ZMIZ1: variants seen among roughly 807,000 people sequenced by gnomAD.
ZMIZ1 encodes the protein zinc finger MIZ-type containing 1.
ZMIZ1 carries 17 observed loss-of-function variants against 113.9 expected under a neutral mutation model. The observed-to-expected ratio is 0.15, with a 90% confidence interval of 0.10 to 0.22. The LOEUF (loss-of-function observed/expected upper bound fraction) is 0.22. ZMIZ1 is among the 10% of genes least tolerant of loss of function. The pLI is 1.00. For missense variants in ZMIZ1, 1,059 were observed against 1,477.8 expected, an observed-to-expected ratio of 0.72 and a Z score of 4.65; for synonymous variants, 607 against 603.1, an observed-to-expected ratio of 1.01 and a Z score of -0.09.
chr10:79,229,846 G>T (rs934093672), intron 7 of ZMIZ1, among the ~76,000 whole-genome samples: 1 of 152,202 alleles, frequency 6.6e-6, no homozygotes, highest in African/African-American at 2.4e-5. Flanking sequence ...CCAGCAGGAA[G>T]TTTCCAACCT....
chr10:79,311,263 A>T, intron 24 of ZMIZ1, 79 bp downstream of exon 24: 4 of 708,352 alleles, frequency 5.6e-6, no homozygotes, highest in Non-Finnish European at 7.0e-6. Context: ...GGTGGGTGTG[A>T]GGGCTCGAGG....
At chr10:79,178,007 G>T (rs777367919) in intron 4 of ZMIZ1, among the ~76,000 whole-genome samples, 1 of 152,158 alleles carries the variant, frequency 6.6e-6, no homozygotes, top group Non-Finnish European at 1.5e-5. Context: ...TGGCCACATG[G>T]TGGGGTCTTA....
At chr10:79,073,818 G>C (rs1842380260) in intron 1 of ZMIZ1, among the ~76,000 whole-genome samples, 1 of 143,154 alleles carries the variant, frequency 7.0e-6, no homozygotes, top group African/African-American at 2.6e-5. Context: ...GGGGGTGCGT[G>C]ATGAGGGCTG....
At chr10:79,241,418 A>G (rs1782644) in intron 7 of ZMIZ1, among the ~76,000 whole-genome samples, 24,469 of 152,052 alleles carry the variant, frequency 0.16, 3,189 homozygotes, top group African/African-American at 0.37. Flanking sequence ...AATAACCTAC[A>G]AGGAGATGAG....
chr10:79,223,845 G>C (rs1285778039), intron 7 of ZMIZ1, among the ~76,000 whole-genome samples: 1 of 152,238 alleles, frequency 6.6e-6, no homozygotes, highest in Non-Finnish European at 1.5e-5. Flanking sequence ...ACCTCCCTGA[G>C]GGATGAGGCC....
rs1192186142 is a variant in ZMIZ1 at position 79,170,519 on chromosome 10, C to G, written c.-50+8386C>G. Among the ~76,000 whole-genome samples the G allele has an allele frequency of 2.0e-5, 3 of 152,200 alleles. No homozygotes were observed. In the East Asian group the frequency reaches 5.8e-4, roughly 29 times the overall value. On this transcript the variant is annotated intron_variant, in intron 4 of 24. Coordinates refer to ENST00000334512, the MANE Select transcript of ZMIZ1 (RefSeq NM_020338.4). Reference sequence around the variant, plus strand: ...GGCCATTCCCTTGCCTTCCAGGAGGCCCTAACTCTGCAGGCATTAGCGGAG... The same window carrying G: ...GGCCATTCCCTTGCCTTCCAGGAGGGCCTAACTCTGCAGGCATTAGCGGAG...
At chr10:79,282,310 G>A (rs1447774477) in intron 8 of ZMIZ1, among the ~76,000 whole-genome samples, 2 of 152,294 alleles carry the variant, frequency 1.3e-5, no homozygotes, top group Non-Finnish European at 2.9e-5. Flanking sequence ...TCATTAAGGC[G>A]ACATTGAGCT....
At chr10:79,146,817 A>G (rs1845506186) in intron 3 of ZMIZ1, among the ~76,000 whole-genome samples, 3 of 152,216 alleles carry the variant, frequency 2.0e-5, no homozygotes, top group Admixed American at 1.3e-4. Flanking sequence ...AGGAAGCAGA[A>G]AACAAGTGCT....
intron 7 of ZMIZ1, among the ~76,000 whole-genome samples, chr10:79,236,847 G>T (rs1022636496): frequency 6.6e-6 from 1 of 152,258 alleles, no homozygotes; most frequent in Non-Finnish European, 1.5e-5. Flanking sequence ...GCATATTTTA[G>T]ATACTGTCAA....
chr10:79,182,750 G>T (rs1847173961), intron 4 of ZMIZ1, among the ~76,000 whole-genome samples: 1 of 152,224 alleles, frequency 6.6e-6, no homozygotes, highest in African/African-American at 2.4e-5. Context: ...GCCTTCCGAG[G>T]CCGAGCCCAG....
At chr10:79,169,077 A>G (rs1846494223) in intron 4 of ZMIZ1, among the ~76,000 whole-genome samples, 1 of 152,098 alleles carries the variant, frequency 6.6e-6, no homozygotes, top group African/African-American at 2.4e-5. Flanking sequence ...CCTCTGTTGG[A>G]GCCTAGGGGA....
rs561647255 is a variant in ZMIZ1, at chr10:79,107,091, G to A, written c.-336-11824G>A. On this transcript the variant is annotated intron_variant, in intron 1 of 24. Transcript: ENST00000334512. Reference sequence around the variant, plus strand: ...CCATTTGCTCACTTTTTTCAGGTGAGGAAATTGAAGGCCAGAGTGAGCAAG... The same window carrying A: ...CCATTTGCTCACTTTTTTCAGGTGAAGAAATTGAAGGCCAGAGTGAGCAAG... 5.3e-5 allele frequency among the ~76,000 whole-genome samples: 8 copies of A among 152,336 alleles called. No individual in the cohort carries two copies. In the East Asian group the frequency reaches 1.5e-3, roughly 29 times the overall value.
chr10:79,076,842 A>G (rs1039158191), intron 1 of ZMIZ1, among the ~76,000 whole-genome samples: 1 of 152,180 alleles, frequency 6.6e-6, no homozygotes, highest in Admixed American at 6.5e-5. Flanking sequence ...GCCTAAAAAA[A>G]TAAATAAATA....
At chr10:79,211,786 C>T (rs1445760935) in intron 6 of ZMIZ1, among the ~76,000 whole-genome samples, 1 of 152,232 alleles carries the variant, frequency 6.6e-6, no homozygotes, top group East Asian at 1.9e-4. Context: ...CCTTCCTCCT[C>T]CAGTAGTCGG....
At chr10:79,124,302 C>G (rs185002590) in intron 2 of ZMIZ1, among the ~76,000 whole-genome samples, 15 of 152,296 alleles carry the variant, frequency 9.8e-5, no homozygotes, top group Admixed American at 9.8e-4. Context: ...TGTCAACAAC[C>G]CATTGAAGTT....
chr10:79,244,242 C>A (rs1850058998), intron 7 of ZMIZ1, among the ~76,000 whole-genome samples: 1 of 152,152 alleles, frequency 6.6e-6, no homozygotes, highest in South Asian at 2.1e-4. Flanking sequence ...TGGTGGGTGC[C>A]GAATAGACTT....
At chr10:79,181,801 T>G (rs938387499) in intron 4 of ZMIZ1, among the ~76,000 whole-genome samples, 1 of 152,210 alleles carries the variant, frequency 6.6e-6, no homozygotes, top group Non-Finnish European at 1.5e-5. Context: ...CCATGGCATT[T>G]GTCCCCGTCA....
At chr10:79,241,584 C>T (rs922212454) in intron 7 of ZMIZ1, among the ~76,000 whole-genome samples, 5 of 151,920 alleles carry the variant, frequency 3.3e-5, no homozygotes, top group African/African-American at 1.2e-4. Flanking sequence ...TTATGAAGTA[C>T]GAATTAATCC....
chr10:79,132,435 AGCCTGTGTATTGG>A (rs544426685), intron 2 of ZMIZ1, among the ~76,000 whole-genome samples: 121 of 152,294 alleles, frequency 7.9e-4, no homozygotes, highest in African/African-American at 2.8e-3. Flanking sequence ...ATACCACACA[AGCCTGTGTATTGG>A]GCTGGAGTGA....
Sources: gnomAD v4.1 joint callset for allele counts (sites outside exome capture counted in the v4.1 genomes callset) on GRCh38, gnomAD v4.1.1 for gene constraint, MANE v1.5 for transcripts, NCBI Gene and HGNC (gene_info 2026-07-23, HGNC 2026-07-21) for gene names.